Variants in OSCP1 observed in about 807,000 individuals in gnomAD.
OSCP1 encodes protein OSCP1.
A neutral mutation model predicts 45.1 loss-of-function variants in OSCP1; 35 were observed. The ratio of observed to expected loss-of-function variants is 0.78; its 90% CI spans 0.59 to 1.03. The LOEUF is 1.03. OSCP1 is among the 50% of genes least tolerant of loss of function. OSCP1 has a pLI of 0.00. For missense variants in OSCP1, 400 were observed against 470.7 expected (o/e 0.85, Z 1.39); for synonymous variants, 179 against 180.1 (o/e 0.99, Z 0.05).
chr1:36,436,364 C>A (rs1164790299), intron 2 of OSCP1, among the ~76,000 whole-genome samples: 4 of 151,910 alleles, frequency 2.6e-5, no homozygotes, highest in Non-Finnish European at 1.5e-5. Flanking sequence ...CCCGCCTCAG[C>A]CTCCCAAAGT....
chr1:36,435,116 T>C (rs1648636743), intron 2 of OSCP1, among the ~76,000 whole-genome samples: 1 of 142,634 alleles, frequency 7.0e-6, no homozygotes. Context: ...TTTTTTGACA[T>C]GGGGGTCTCA....
At chr1:36,433,132 T>C (rs1044169812) in intron 2 of OSCP1, among the ~76,000 whole-genome samples, 1 of 152,236 alleles carries the variant, frequency 6.6e-6, no homozygotes, top group Non-Finnish European at 1.5e-5. Flanking sequence ...TTTTAAATGA[T>C]GAACTATGTG....
At chr1:36,430,750 G>T (rs1047828423) in intron 4 of OSCP1, among the ~76,000 whole-genome samples, 2 of 152,154 alleles carry the variant, frequency 1.3e-5, no homozygotes, top group Admixed American at 1.3e-4. Flanking sequence ...CGCCTCCTGG[G>T]TTCAAGCAAT....
intron 2 of OSCP1, among the ~76,000 whole-genome samples, chr1:36,437,823 G>A (rs1648850604): frequency 6.6e-6 from 1 of 152,126 alleles, no homozygotes; most frequent in African/African-American, 2.4e-5. Context: ...ACTCAGGGTT[G>A]AGTGCTTTTA....
intron 1 of OSCP1, among the ~76,000 whole-genome samples, 162 bp downstream of exon 1, chr1:36,450,096 T>C (rs1230224605): frequency 6.6e-6 from 1 of 151,886 alleles, no homozygotes; most frequent in African/African-American, 2.4e-5. Flanking sequence ...TGGGGGGATT[T>C]GACTCCCGAG....
rs554699019 is a variant in OSCP1 at position 36,430,111 on chromosome 1, T to C, written c.516+1691A>G. 3.0e-3 allele frequency among the ~76,000 whole-genome samples: 456 copies of C among 152,222 alleles called. 2 individuals carry two copies. Among genetic ancestry groups the C allele is most frequent in the Non-Finnish European group, 2.6e-3 (179 of 67,986 alleles). On this transcript the variant is annotated intron_variant, in intron 4 of 9. Coordinates refer to ENST00000235532, the MANE Select transcript of OSCP1 (RefSeq NM_145047.5). The stretch of plus-strand genomic sequence containing the variant: ...TGCGCCCAGCCTAGTAGCATGATCT[T>C]GGCTCTCTGCAGCCTTGACCTCCTG...
intron 2 of OSCP1, among the ~76,000 whole-genome samples, chr1:36,434,791 GA>G (rs1416901432): frequency 6.9e-6 from 1 of 144,568 alleles, no homozygotes; most frequent in Non-Finnish European, 1.5e-5. Context: ...ACAAGCCCCA[GA>G]AAACAGGAAT....
chr1:36,438,286 C>T (rs1648886356), intron 2 of OSCP1, among the ~76,000 whole-genome samples: 1 of 140,724 alleles, frequency 7.1e-6, no homozygotes, highest in Non-Finnish European at 1.5e-5. Flanking sequence ...CATTGCACTC[C>T]AGCCTGGGCA....
intron 4 of OSCP1, chr1:36,428,436 T>C: frequency 1.2e-6 from 2 of 1,614,046 alleles, no homozygotes; most frequent in South Asian, 2.2e-5. Flanking sequence ...CACTGTGCAC[T>C]GTGAACAGTT....
intron 1 of OSCP1, among the ~76,000 whole-genome samples, chr1:36,443,595 A>C (rs1649329813): frequency 6.6e-6 from 1 of 152,218 alleles, no homozygotes; most frequent in Non-Finnish European, 1.5e-5. Context: ...CTGTGAGCTT[A>C]GGAGAATGGC....
intron 4 of OSCP1, chr1:36,428,478 G>A (rs542005257): frequency 6.8e-6 from 11 of 1,610,822 alleles, no homozygotes; most frequent in Admixed American, 3.4e-5. Context: ...CACTCTCTCT[G>A]TATATGCACA....
intron 1 of OSCP1, chr1:36,444,132 A>C: frequency 7.1e-7 from 1 of 1,398,848 alleles, no homozygotes; most frequent in Admixed American, 1.8e-5. Flanking sequence ...CTTATCTATG[A>C]AACTTTACTT....
rs142000188 is a variant in OSCP1, at chr1:36,432,537, C to T, written c.320G>A (p.Arg107Gln). Reference sequence around the variant, plus strand: ...AGTGACCAGCAGCACATCCTTGGGTCGGGGACACAGCAATACTTGATATTT... The same window carrying T: ...AGTGACCAGCAGCACATCCTTGGGTTGGGGACACAGCAATACTTGATATTT... Reference protein sequence around the residue: ...AFKYQVLLCPRPKDVLLVTFN... With the variant: ...AFKYQVLLCPQPKDVLLVTFN... The change falls in exon 3 of 10, where the codon CGA (arginine) becomes CAA (glutamine). Residue 107 changes from arginine (R) to glutamine (Q), a missense_variant. By Grantham distance (43) the Arg-to-Gln change is conservative. Coordinates refer to ENST00000235532, the MANE Select transcript of OSCP1 (RefSeq NM_145047.5). 10 of 1,613,928 alleles carry T rather than the reference C, an allele frequency of 6.2e-6. No homozygotes were observed. Among genetic ancestry groups the T allele is most frequent in the African/African-American group, 1.3e-5 (1 of 74,844 alleles).
intron 9 of OSCP1, 67 bp downstream of exon 9, chr1:36,418,924 C>T: frequency 1.5e-6 from 2 of 1,308,096 alleles, no homozygotes; most frequent in Non-Finnish European, 2.2e-6. Context: ...GAGACCCTGT[C>T]TCAAGAAAAA....
chr1:36,445,671 T>G (rs1455307059), intron 1 of OSCP1, among the ~76,000 whole-genome samples: 1 of 152,234 alleles, frequency 6.6e-6, no homozygotes, highest in Admixed American at 6.5e-5. Context: ...CTGTTTTCTT[T>G]GGCACAATGT....
At chr1:36,428,094 G>A (rs1648098695) in intron 4 of OSCP1, 2 of 216,578 alleles carry the variant, frequency 9.2e-6, no homozygotes, top group African/African-American at 2.4e-5. Context: ...GGAGGCTGAG[G>A]CAGGGGAATT....
chr1:36,422,969 T>C, intron 5 of OSCP1, 73 bp from the exon 6 acceptor site: 1 of 1,344,378 alleles, frequency 7.4e-7, no homozygotes, highest in Admixed American at 2.6e-5. Flanking sequence ...TTATTCTTTG[T>C]ACTACAGAAC....
At chr1:36,429,877 C>T (rs575361516) in intron 4 of OSCP1, among the ~76,000 whole-genome samples, 178 of 147,824 alleles carry the variant, frequency 1.2e-3, no homozygotes, top group Admixed American at 2.0e-3. Context: ...GTGGCACTAA[C>T]TCAGCTCACT....
intron 7 of OSCP1, among the ~76,000 whole-genome samples, chr1:36,420,837 C>T (rs905962753): frequency 2.6e-5 from 4 of 152,226 alleles, no homozygotes; most frequent in African/African-American, 9.6e-5. Context: ...GATTTTCATA[C>T]TTTCCGCAAG....
Sources: gnomAD v4.1 joint callset for allele counts (sites outside exome capture counted in the v4.1 genomes callset) on GRCh38, gnomAD v4.1.1 for gene constraint, MANE v1.5 for transcripts, NCBI Gene and HGNC (gene_info 2026-07-23, HGNC 2026-07-21) for gene names.